Variants in GAS7 observed in about 807,000 individuals in gnomAD.
The protein encoded by GAS7 is growth arrest specific 7.
A neutral mutation model predicts 71.1 loss-of-function variants in GAS7; 28 were observed. That is an observed-to-expected ratio of 0.39 (90% CI 0.29 to 0.54). The LOEUF is 0.54. Among genes scored for constraint, GAS7 ranks in the 20% least tolerant of loss-of-function variants. The probability of loss-of-function intolerance (pLI) is 0.62; values close to 1 mark genes in which losing one functional copy is unlikely to be tolerated. For synonymous variants in GAS7, 258 were observed against 245.8 expected (o/e 1.05, Z -0.46); for missense variants, 436 against 627.8 (o/e 0.69, Z 3.27).
chr17:9,949,365 C>T (rs1038180630), intron 5 of GAS7, among the ~76,000 whole-genome samples: 1 of 152,174 alleles, frequency 6.6e-6, no homozygotes, highest in East Asian at 1.9e-4. Context: ...TAAGTGTTGG[C>T]AATTAATTCA....
chr17:10,188,044 G>C (rs1416563858), intron 1 of GAS7, among the ~76,000 whole-genome samples: 13 of 152,150 alleles, frequency 8.5e-5, no homozygotes, highest in Admixed American at 8.5e-4. Flanking sequence ...AGGAGTTCGA[G>C]ACCTGCCTGG....
intron 1 of GAS7, among the ~76,000 whole-genome samples, chr17:10,060,729 C>G (rs945419111): frequency 1.3e-5 from 2 of 152,224 alleles, no homozygotes; most frequent in South Asian, 4.1e-4. Flanking sequence ...AATTCTCACA[C>G]GTTGCTCGTG....
In GAS7 at chr17:9,995,235, T is replaced by C. The variant is rs140357525; in HGVS notation, c.305-13351A>G. On this transcript the variant is annotated intron_variant, in intron 2 of 13. Transcript: ENST00000432992. ...ACTGTATTGAATAAATGTGGACCTG[T>C]CTCCTGGGCACCAAGGACACTCAGT... 3.2e-4 allele frequency among the ~76,000 whole-genome samples: 48 copies of C among 152,252 alleles called. 1 individual carries two copies. Among genetic ancestry groups the C allele is most frequent in the African/African-American group, 5.5e-4 (23 of 41,536 alleles).
intron 2 of GAS7, among the ~76,000 whole-genome samples, chr17:10,000,486 A>G (rs567084258): frequency 2.0e-4 from 30 of 152,340 alleles, no homozygotes; most frequent in African/African-American, 7.2e-4. Context: ...AACGGGTGGT[A>G]ATGATGAAAA....
intron 4 of GAS7, among the ~76,000 whole-genome samples, chr17:9,968,018 G>GTT (rs2069793536): frequency 6.6e-6 from 1 of 152,216 alleles, no homozygotes; most frequent in Non-Finnish European, 1.5e-5. Flanking sequence ...TGATTTTGAG[G>GTT]ATGGGGAGCT....
intron 1 of GAS7, among the ~76,000 whole-genome samples, chr17:10,138,094 C>G (rs1036399151): frequency 6.6e-6 from 1 of 151,984 alleles, no homozygotes; most frequent in African/African-American, 2.4e-5. Context: ...TCCCGAGTAG[C>G]TGGGACTACA....
Position 10,004,611 on chromosome 17 carries a change from C to G in GAS7, c.304+15166G>C, listed in dbSNP as rs114190120. Among the ~76,000 whole-genome samples, 230 of 152,298 alleles carry G rather than the reference C, an allele frequency of 1.5e-3. 1 individual carries two copies. Among genetic ancestry groups the G allele is most frequent in the African/African-American group, 5.2e-3 (217 of 41,556 alleles). On this transcript the variant is annotated intron_variant, in intron 2 of 13. Transcript: ENST00000432992. The stretch of plus-strand genomic sequence containing the variant: ...GTAGGATGGGTTTTAAGATCCCTCT[C>G]GAAACTGGTGCTTCATACCTGTTGA...
At chr17:10,181,564 A>G (rs1170066359) in intron 1 of GAS7, among the ~76,000 whole-genome samples, 1 of 152,178 alleles carries the variant, frequency 6.6e-6, no homozygotes, top group African/African-American at 2.4e-5. Context: ...AACATCATGC[A>G]CGTGAATAAA....
rs1403862640 is a variant in GAS7, at chr17:10,128,522, T to TGTTA, written c.183+69685_183+69686insTAAC. 2.6e-5 allele frequency among the ~76,000 whole-genome samples: 4 copies of TGTTA among 152,272 alleles called. No homozygotes were observed. The East Asian group carries it at 7.7e-4, about 29-fold the overall frequency. ...TGCCTCCCCCTCTCACCCCCTTAAC[T>TGTTA]AGGCCAGAACATAAAACCCAGCATT... On this transcript the variant is annotated intron_variant, in intron 1 of 13. Transcript: ENST00000432992.
chr17:10,087,950 G>A (rs1050007162), intron 1 of GAS7, among the ~76,000 whole-genome samples: 3 of 152,130 alleles, frequency 2.0e-5, no homozygotes, highest in Admixed American at 6.5e-5. Flanking sequence ...CCTCAAATGT[G>A]CACTAGGGTG....
Position 9,969,510 on chromosome 17 carries a change from C to G in GAS7, c.471+167G>C, listed in dbSNP as rs1229979499. ...ACCAACAGACCACAATCATCCAACC[C>G]TCTCCCCATCAGGGAACACTGAAAC... is the stretch of plus-strand genomic sequence containing the variant. On this transcript the variant is annotated intron_variant, in intron 4 of 13. Transcript: ENST00000432992. The surrounding 1 kb of genome is among the most constrained non-coding windows in gnomAD (Gnocchi z 5.5). Among the ~76,000 whole-genome samples, 1 of 152,224 alleles carries G rather than the reference C, an allele frequency of 6.6e-6. No homozygotes were observed. Among genetic ancestry groups the G allele is most frequent in the Non-Finnish European group, 1.5e-5 (1 of 68,042 alleles).
chr17:9,996,859 C>T (rs374459210), intron 2 of GAS7, among the ~76,000 whole-genome samples: 4 of 151,590 alleles, frequency 2.6e-5, no homozygotes, highest in South Asian at 2.1e-4. Context: ...AGGCTGGTCT[C>T]GAACTCCTGA....
At chr17:10,030,833 A>C (rs1319683983) in intron 1 of GAS7, among the ~76,000 whole-genome samples, 1 of 152,212 alleles carries the variant, frequency 6.6e-6, no homozygotes, top group African/African-American at 2.4e-5. Context: ...GCTGGCTTGA[A>C]TATCCCACTT....
At chr17:9,920,360 T>C (rs1267367164) in intron 11 of GAS7, among the ~76,000 whole-genome samples, 1 of 152,194 alleles carries the variant, frequency 6.6e-6, no homozygotes, top group East Asian at 1.9e-4. Flanking sequence ...CTCCTTCTAT[T>C]GCATTTTATG....
At chr17:10,058,902 C>T (rs1037460495) in intron 1 of GAS7, among the ~76,000 whole-genome samples, 5 of 152,230 alleles carry the variant, frequency 3.3e-5, no homozygotes, top group Non-Finnish European at 5.9e-5. Flanking sequence ...TAGATTCAAA[C>T]TTCCATGCTC....
intron 1 of GAS7, among the ~76,000 whole-genome samples, chr17:10,194,824 A>G (rs1286539582): frequency 1.4e-5 from 2 of 140,392 alleles, no homozygotes; most frequent in Non-Finnish European, 3.0e-5. Context: ...ATACAACTGC[A>G]CTCCAGCCTG....
intron 1 of GAS7, among the ~76,000 whole-genome samples, chr17:10,104,322 A>T (rs901137543): frequency 6.6e-6 from 1 of 152,092 alleles, no homozygotes; most frequent in Admixed American, 6.5e-5. Flanking sequence ...GGCTCCCATG[A>T]CATCTCATGG....
rs996596035 is a variant in GAS7, at chr17:9,925,395, T to C, written c.1138+81A>G. 2.8e-6 allele frequency: 4 copies of C among 1,441,684 alleles called. No homozygotes were observed. In the African/African-American group the frequency reaches 4.2e-5, roughly 15 times the overall value. 89.3% of individuals were successfully genotyped at this position (1,441,684 alleles called of 1,614,324 possible). On this transcript the variant is annotated intron_variant, in intron 11 of 13. Transcript: ENST00000432992. ...AGTCTTGCAAAGGAGAGATGCACCC[T>C]CGCCAGTCACCTCATCTCCTAGCCC...
chr17:10,061,120 T>G (rs1022798549), intron 1 of GAS7: 3 of 152,334 alleles, frequency 2.0e-5, no homozygotes, highest in African/African-American at 7.2e-5. Flanking sequence ...CAAAACTGAC[T>G]GTGCCAATCT....
Sources: allele counts gnomAD v4.1 joint callset (sites outside exome capture counted in the v4.1 genomes callset), GRCh38; gene constraint gnomAD v4.1.1; non-coding constraint Gnocchi (gnomAD v3.1); transcripts MANE v1.5; gene names NCBI Gene and HGNC (gene_info 2026-07-23, HGNC 2026-07-21).